The following TNKS variants were observed in gnomAD, a reference collection of about 807,000 sequenced individuals.
TNKS encodes the protein poly [ADP-ribose] polymerase tankyrase-1.
TNKS carries 72 observed loss-of-function variants against 135.8 expected under a neutral mutation model. The observed-to-expected ratio is 0.53, with a 90% CI of 0.44 to 0.64. The LOEUF is 0.64. Ranked by LOEUF, TNKS falls within the 30% of genes least tolerant of loss-of-function variation. The pLI, the probability that TNKS is intolerant of heterozygous loss-of-function variation, is 0.00. For synonymous variants in TNKS, 849 were observed against 649.3 expected, an observed-to-expected ratio of 1.31 and a Z score of -4.68; for missense variants, 1,769 against 1,674.0, an observed-to-expected ratio of 1.06 and a Z score of -0.99.
intron 13 of TNKS, among the ~76,000 whole-genome samples, chr8:9,728,191 G>A (rs1238082864): frequency 3.9e-5 from 6 of 152,112 alleles, no homozygotes; most frequent in Admixed American, 3.3e-4. Context: ...TTGATCTGTG[G>A]AATGGAAGTA....
At chr8:9,724,972 A>G (rs1049193467) in intron 12 of TNKS, among the ~76,000 whole-genome samples, 2 of 83,372 alleles carry the variant, frequency 2.4e-5, no homozygotes, top group Non-Finnish European at 5.9e-5. Flanking sequence ...CTATATACAT[A>G]AACAATTGTC....
At chr8:9,587,821 C>G (rs549339707) in intron 2 of TNKS, among the ~76,000 whole-genome samples, 1 of 152,136 alleles carries the variant, frequency 6.6e-6, no homozygotes, top group Non-Finnish European at 1.5e-5. Flanking sequence ...TTTGTTACGG[C>G]AGCAATAGCA....
In TNKS at chr8:9,730,998, C is replaced by T. The variant is rs1805409777; in HGVS notation, c.2110C>T (p.Leu704=). 2 of 1,613,288 alleles carry T rather than the reference C, an allele frequency of 1.2e-6. No homozygotes were observed. The highest frequency in any genetic ancestry group is 1.1e-5 in the South Asian group (1 of 90,934). Residue 704 remains leucine (L), a synonymous_variant, in exon 14 of 27, where the codon CTA becomes TTA. Coordinates refer to ENST00000310430, the MANE Select transcript of TNKS (RefSeq NM_003747.3). ...CCGCGTGTCTGTTGTAGAGTACCTG[C>T]TACACCACGGTGCCGATGTCCATGC... ...YNRVSVVEYL[L]HHGADVHAKD... is the part of the protein sequence containing the mutation.
chr8:9,586,728 TG>T (rs1798393762), intron 2 of TNKS, among the ~76,000 whole-genome samples: 3 of 118,346 alleles, frequency 2.5e-5, no homozygotes. Context: ...AAAACGTGTG[TG>T]TGTGTGTGTG....
intron 2 of TNKS, among the ~76,000 whole-genome samples, chr8:9,584,673 G>T (rs1229468883): frequency 6.6e-6 from 1 of 152,094 alleles, no homozygotes; most frequent in Admixed American, 6.5e-5. Context: ...TGCAGAATGG[G>T]GCTTCTAAAC....
At chr8:9,559,557 A>G (rs1013955995) in intron 1 of TNKS, among the ~76,000 whole-genome samples, 1 of 151,510 alleles carries the variant, frequency 6.6e-6, no homozygotes, top group Non-Finnish European at 1.5e-5. Context: ...GGCAATGAGC[A>G]TAGTAGCAGA....
At chr8:9,699,337 G>A (rs7010270) in intron 5 of TNKS, among the ~76,000 whole-genome samples, 111,358 of 152,102 alleles carry the variant, frequency 0.73, 40,975 homozygotes, top group Middle Eastern at 0.82. Context: ...GTCCTAGGGT[G>A]TGTGATTTTT....
At chr8:9,615,937 A>T (rs1393577822) in intron 3 of TNKS, among the ~76,000 whole-genome samples, 1 of 152,104 alleles carries the variant, frequency 6.6e-6, no homozygotes, top group Non-Finnish European at 1.5e-5. Context: ...AGTCATTTTT[A>T]TGGTTTATAT....
chr8:9,608,088 G>T (rs763225281), intron 2 of TNKS, among the ~76,000 whole-genome samples: 1 of 152,032 alleles, frequency 6.6e-6, no homozygotes, highest in Non-Finnish European at 1.5e-5. Flanking sequence ...CCACAGGTGC[G>T]TGCCATCACG....
chr8:9,759,050 A>T (rs1807002835), intron 20 of TNKS, among the ~76,000 whole-genome samples: 1 of 152,188 alleles, frequency 6.6e-6, no homozygotes, highest in African/African-American at 2.4e-5. Flanking sequence ...GAGCCTGTAT[A>T]ACATGGTTTC....
intron 3 of TNKS, among the ~76,000 whole-genome samples, chr8:9,662,760 TA>T (rs991745110): frequency 6.6e-6 from 1 of 152,032 alleles, no homozygotes; most frequent in Non-Finnish European, 1.5e-5. Context: ...ATAAAATTTT[TA>T]AAAAAAGTAT....
At chr8:9,608,918 C>T (rs948927896) in intron 2 of TNKS, among the ~76,000 whole-genome samples, 1 of 152,134 alleles carries the variant, frequency 6.6e-6, no homozygotes, top group East Asian at 1.9e-4. Flanking sequence ...CATCTATTTT[C>T]TCCAATTTCA....
chr8:9,742,655 T>G (rs1300946000), intron 17 of TNKS, among the ~76,000 whole-genome samples: 1 of 150,860 alleles, frequency 6.6e-6, no homozygotes, highest in Non-Finnish European at 1.5e-5. Flanking sequence ...GCCAGGAGTT[T>G]GAGACCAGCC....
intron 20 of TNKS, among the ~76,000 whole-genome samples, chr8:9,753,108 T>G (rs548481832): frequency 5.4e-4 from 82 of 152,308 alleles, no homozygotes; most frequent in Non-Finnish European, 1.0e-3. Flanking sequence ...CAAAATTGTC[T>G]AACAAATGAG....
intron 1 of TNKS, among the ~76,000 whole-genome samples, chr8:9,576,099 C>G (rs946161191): frequency 7.2e-5 from 11 of 152,186 alleles, no homozygotes; most frequent in African/African-American, 2.7e-4. Flanking sequence ...TGGCCAGTCA[C>G]TGACAGAGCA....
chr8:9,617,916 C>T (rs1375800149), intron 3 of TNKS, among the ~76,000 whole-genome samples: 3 of 150,496 alleles, frequency 2.0e-5, no homozygotes, highest in Non-Finnish European at 3.0e-5. Context: ...GTGCATTAGT[C>T]TAAACTGTGT....
rs1808304247 is a variant in TNKS at position 9,778,024 on chromosome 8, T to C, written c.*1288T>C. The C allele has an allele frequency of 6.6e-6, 1 of 152,594 alleles. No individual in the cohort carries two copies. Among genetic ancestry groups the C allele is most frequent in the Non-Finnish European group, 1.5e-5 (1 of 68,020 alleles). 9.5% of individuals were successfully genotyped at this position (152,594 alleles called of 1,614,324 possible). A position where few individuals can be genotyped will look rare whatever the true frequency, so the allele number is the denominator to read the frequency against. On this transcript the variant is annotated 3_prime_UTR_variant, in exon 27 of 27. Transcript: ENST00000310430. ...TGTGTTTAGACAAGGAGAACAAAAA[T>C]TGAAACCAAAGCCCTTTCTGTTATT...
chr8:9,637,613 A>C (rs1800561073), intron 3 of TNKS, among the ~76,000 whole-genome samples: 1 of 152,222 alleles, frequency 6.6e-6, no homozygotes, highest in African/African-American at 2.4e-5. Context: ...GACAGACAGC[A>C]ATGGGACAGT....
In TNKS at chr8:9,563,916, A is replaced by C. The variant is rs1011975259; in HGVS notation, c.673+7304A>C. ...AGAAATTAATTACTAAATAATTTCA[A>C]GGATAAAAATAAAGGTCTGAGATAG... On this transcript the variant is annotated intron_variant, in intron 1 of 26. Transcript: ENST00000310430. 6.1e-4 allele frequency among the ~76,000 whole-genome samples: 93 copies of C among 152,330 alleles called. 2 individuals are homozygous for C. Among genetic ancestry groups the C allele is most frequent in the African/African-American group, 2.1e-3 (88 of 41,584 alleles).
Sources: allele counts gnomAD v4.1 joint callset (sites outside exome capture counted in the v4.1 genomes callset), GRCh38; gene constraint gnomAD v4.1.1; transcripts MANE v1.5; gene names NCBI Gene and HGNC (gene_info 2026-07-23, HGNC 2026-07-21).